CHRM2: variants seen among roughly 807,000 people sequenced by gnomAD.
The protein encoded by CHRM2 is muscarinic acetylcholine receptor M2.
In CHRM2, 8 loss-of-function variants were observed where a neutral mutation model predicts 25.0. The ratio of observed to expected loss-of-function variants is 0.32; its 90% confidence interval spans 0.19 to 0.58. CHRM2 has a LOEUF of 0.58. Among genes scored for constraint, CHRM2 ranks in the 20% least tolerant of loss-of-function variants. The pLI is 0.88. For missense variants in CHRM2, 440 were observed against 567.1 expected (o/e 0.78, Z 2.28); for synonymous variants, 202 against 205.7 (o/e 0.98, Z 0.15).
At position 136,965,744 on chromosome 7, in the gene CHRM2, G is replaced by A. The variant is rs145693263; in HGVS notation, c.-124-26443G>A. ...AGCCTCCCAGTGGTTGGCTGCAAAA[G>A]CCATTATTATGATGCATTCATGTAT... On this transcript the variant is annotated intron_variant, in intron 2 of 3. Coordinates refer to ENST00000680005, the MANE Select transcript of CHRM2 (RefSeq NM_001006630.2). 2.4e-3 allele frequency among the ~76,000 whole-genome samples: 363 copies of A among 152,044 alleles called. 1 individual carries two copies. The highest frequency in any genetic ancestry group is 8.0e-3 in the African/African-American group (333 of 41,504).
At chr7:137,007,903 G>GTGGCA (rs1279961144) in intron 3 of CHRM2, among the ~76,000 whole-genome samples, 1 of 151,954 alleles carries the variant, frequency 6.6e-6, no homozygotes, top group Non-Finnish European at 1.5e-5. Context: ...TCTTTTTCAT[G>GTGGCA]TCTTTCTCTC....
chr7:136,970,718 T>G (rs1801707778), intron 2 of CHRM2, among the ~76,000 whole-genome samples: 1 of 152,054 alleles, frequency 6.6e-6, no homozygotes, highest in Non-Finnish European at 1.5e-5. Context: ...TTTTCAAAAT[T>G]ATTTACTCTT....
chr7:137,013,431 C>A (rs985379937), intron 3 of CHRM2, among the ~76,000 whole-genome samples: 1 of 151,928 alleles, frequency 6.6e-6, no homozygotes, highest in African/African-American at 2.4e-5. Flanking sequence ...CTGCCCATTT[C>A]TTTGTAATTA....
chr7:136,908,854 A>C (rs550294625), intron 2 of CHRM2, among the ~76,000 whole-genome samples: 1 of 152,096 alleles, frequency 6.6e-6, no homozygotes, highest in South Asian at 2.1e-4. Context: ...TAGAGAATAG[A>C]CTTGTAGACC....
intron 3 of CHRM2, among the ~76,000 whole-genome samples, chr7:137,007,221 T>C (rs1804502715): frequency 6.6e-6 from 1 of 152,080 alleles, no homozygotes; most frequent in Admixed American, 6.6e-5. Context: ...TAGCATGATA[T>C]TGGGCCATTG....
intron 2 of CHRM2, among the ~76,000 whole-genome samples, chr7:136,956,368 C>T (rs1278445671): frequency 6.6e-6 from 1 of 152,008 alleles, no homozygotes; most frequent in Non-Finnish European, 1.5e-5. Context: ...CTAGATGAGC[C>T]TTAATATAAA....
intron 2 of CHRM2, among the ~76,000 whole-genome samples, chr7:136,949,232 A>G (rs1018800164): frequency 5.9e-5 from 9 of 152,168 alleles, no homozygotes; most frequent in Non-Finnish European, 1.0e-4. Context: ...AAATTTAGAG[A>G]TAAGTAGCTT....
At chr7:136,983,655 T>G (rs1196311960) in intron 2 of CHRM2, among the ~76,000 whole-genome samples, 1 of 152,318 alleles carries the variant, frequency 6.6e-6, no homozygotes, top group South Asian at 2.1e-4. Context: ...ATGCTACTGC[T>G]TTCTCTTCGT....
chr7:136,869,782 C>A lies in CHRM2; in HGVS notation c.-125+364C>A. On this transcript the variant is annotated intron_variant, in intron 2 of 3. Coordinates refer to ENST00000680005, the MANE Select transcript of CHRM2 (RefSeq NM_001006630.2). The surrounding 1 kb of genome is among the most constrained non-coding windows in gnomAD (Gnocchi z 4.9). ...CCCCATTCCCTCTACTGTTGCTGAC[C>A]CCCCTCCCGCCACCCACTCCAGATG... 1 of 152,718 alleles carries A rather than the reference C, an allele frequency of 6.5e-6. No homozygotes were observed. The highest frequency in any genetic ancestry group is 1.5e-5 in the Non-Finnish European group (1 of 68,514). The allele number at this position is 152,718 out of a possible 1,614,324, so 9.5% of individuals were successfully genotyped here.
At chr7:136,980,922 G>C (rs1802445022) in intron 2 of CHRM2, among the ~76,000 whole-genome samples, 1 of 152,140 alleles carries the variant, frequency 6.6e-6, no homozygotes, top group Non-Finnish European at 1.5e-5. Context: ...GTGTGTCTCT[G>C]CCAGCTTTTG....
intron 2 of CHRM2, among the ~76,000 whole-genome samples, chr7:136,916,297 T>C (rs1798107468): frequency 6.6e-6 from 1 of 151,888 alleles, no homozygotes; most frequent in Non-Finnish European, 1.5e-5. Context: ...TAAGGATGAA[T>C]ACATTTAATC....
Position 136,983,717 on chromosome 7 carries a change from G to T in CHRM2, c.-124-8470G>T, listed in dbSNP as rs6950004. Among the ~76,000 whole-genome samples the T allele has an allele frequency of 5.0e-3, 766 of 152,312 alleles. 2 individuals are homozygous for T. Among genetic ancestry groups the T allele is most frequent in the African/African-American group, 0.018 (729 of 41,552 alleles). On this transcript the variant is annotated intron_variant, in intron 2 of 3. Coordinates refer to ENST00000680005, the MANE Select transcript of CHRM2 (RefSeq NM_001006630.2). ...CTCTTCTGCATGTCCGCTGGAGTTTGCTGGGGGTCCACTTCAGACCCTGTT... is the reference window on the plus strand; with the variant it reads ...CTCTTCTGCATGTCCGCTGGAGTTTTCTGGGGGTCCACTTCAGACCCTGTT...
intron 2 of CHRM2, among the ~76,000 whole-genome samples, chr7:136,888,820 G>A (rs1159061543): frequency 6.6e-6 from 1 of 152,020 alleles, no homozygotes; most frequent in Non-Finnish European, 1.5e-5. Flanking sequence ...GCCAAGGCAG[G>A]CGGATCACGA....
chr7:137,017,476 T>A lies in CHRM2; in HGVS notation c.*1210T>A, dbSNP rs1478815973. The stretch of plus-strand genomic sequence containing the variant: ...CCAGTCCCTAGAGAATAGAACCTTC[T>A]ATCCAATGCCTGCTAAAGGATGATA... On this transcript the variant is annotated 3_prime_UTR_variant, in exon 4 of 4. Coordinates refer to ENST00000680005, the MANE Select transcript of CHRM2 (RefSeq NM_001006630.2). The A allele has an allele frequency of 6.6e-6, 1 of 151,992 alleles. No homozygotes were observed. Among genetic ancestry groups the A allele is most frequent in the Non-Finnish European group, 1.5e-5 (1 of 67,944 alleles). The allele number at this position is 151,992 out of a possible 1,614,324, so 9.4% of individuals were successfully genotyped here. A position where few individuals can be genotyped will look rare whatever the true frequency, so the allele number is the denominator to read the frequency against.
At chr7:136,994,763 ATTTT>A (rs1363392969) in intron 3 of CHRM2, among the ~76,000 whole-genome samples, 1 of 151,748 alleles carries the variant, frequency 6.6e-6, no homozygotes, top group South Asian at 2.1e-4. Flanking sequence ...TTAGATATTT[ATTTT>A]TTAATTTAAA....
intron 2 of CHRM2, among the ~76,000 whole-genome samples, chr7:136,978,584 A>C (rs1802266323): frequency 6.6e-6 from 1 of 152,008 alleles, no homozygotes; most frequent in African/African-American, 2.4e-5. Context: ...TATTTCTCCT[A>C]ATGCTATCCC....
intron 2 of CHRM2, among the ~76,000 whole-genome samples, chr7:136,944,630 C>T (rs116419003): frequency 1.3e-5 from 2 of 152,202 alleles, no homozygotes; most frequent in East Asian, 3.9e-4. Context: ...CTGCTATAAA[C>T]ATTTCATGTG....
chr7:136,989,690 A>G (rs2131011927), intron 2 of CHRM2, among the ~76,000 whole-genome samples: 1 of 152,212 alleles, frequency 6.6e-6, no homozygotes, highest in African/African-American at 2.4e-5. Flanking sequence ...TTTCTGCCCT[A>G]GGTCCTTTGT....
chr7:136,885,432 T>C (rs948669662), intron 2 of CHRM2, among the ~76,000 whole-genome samples: 4 of 152,222 alleles, frequency 2.6e-5, no homozygotes, highest in Admixed American at 6.5e-5. Flanking sequence ...CTGAGAAATA[T>C]CCATCATTCA....
Sources: allele counts gnomAD v4.1 joint callset (sites outside exome capture counted in the v4.1 genomes callset), GRCh38; gene constraint gnomAD v4.1.1; non-coding constraint Gnocchi (gnomAD v3.1); transcripts MANE v1.5; gene names NCBI Gene and HGNC (gene_info 2026-07-23, HGNC 2026-07-21).